The following EPC1 variants were observed in gnomAD, a reference collection of about 807,000 sequenced individuals.
EPC1 encodes the protein enhancer of polycomb 1.
EPC1 carries 12 observed loss-of-function variants against 98.4 expected under a neutral mutation model. That is an observed-to-expected ratio of 0.12 (90% CI 0.08 to 0.20). The LOEUF is 0.20. Among genes scored for constraint, EPC1 ranks in the 10% least tolerant of loss-of-function variants. The pLI is 1.00. For synonymous variants in EPC1, 357 were observed against 363.9 expected, an observed-to-expected ratio of 0.98 and a Z score of 0.21; for missense variants, 729 against 990.5, an observed-to-expected ratio of 0.74 and a Z score of 3.54.
At chr10:32,347,811 T>C (rs79741067), upstream of EPC1, among the ~76,000 whole-genome samples, 4,552 of 152,360 alleles carry the variant, frequency 0.03, 230 homozygotes, top group African/African-American at 0.1. Context: ...AATGCAACTT[T>C]GGATTATAAT....
At chr10:32,332,908 T>A (rs1564551708) in intron 1 of EPC1, among the ~76,000 whole-genome samples, 4 of 152,200 alleles carry the variant, frequency 2.6e-5, no homozygotes, top group African/African-American at 9.6e-5. Flanking sequence ...AAGCTGTTTT[T>A]AAAAAGTCTC....
upstream of EPC1, among the ~76,000 whole-genome samples, chr10:32,349,431 A>G (rs572147447): frequency 5.3e-5 from 8 of 152,330 alleles, no homozygotes; most frequent in South Asian, 1.7e-3. Flanking sequence ...CTTTTGGCAG[A>G]TAATATTATA....
chr10:32,348,211 A>G (rs1481228140), upstream of EPC1, among the ~76,000 whole-genome samples: 2 of 152,190 alleles, frequency 1.3e-5, no homozygotes, highest in African/African-American at 4.8e-5. Flanking sequence ...GATATGATAG[A>G]TGGGTGGCAT....
At chr10:32,297,569 G>A (rs934427825) in intron 2 of EPC1, among the ~76,000 whole-genome samples, 2 of 152,040 alleles carry the variant, frequency 1.3e-5, no homozygotes, top group Admixed American at 6.5e-5. Flanking sequence ...TTACAAGCAT[G>A]AGTCATCGCA....
chr10:32,344,956 T>C lies in EPC1; in HGVS notation c.153+1807A>G, dbSNP rs1171856120. Among the ~76,000 whole-genome samples the C allele has an allele frequency of 2.6e-5, 4 of 152,350 alleles. No homozygotes were observed. The East Asian group carries it at 7.7e-4, about 29-fold the overall frequency. Reference sequence around the variant, plus strand: ...CTTAACTAAAGTCTAAAGTGTACTGTTGTGCTGTCTTGCTTTAATCAAGGC... The same window carrying C: ...CTTAACTAAAGTCTAAAGTGTACTGCTGTGCTGTCTTGCTTTAATCAAGGC... On this transcript the variant is annotated intron_variant, in intron 1 of 13. Transcript: ENST00000319778.
chr10:32,378,363 G>T, intron 1 of EPC1: 1 of 603,224 alleles, frequency 1.7e-6, no homozygotes, highest in Non-Finnish European at 2.7e-6. Context: ...AGATTAGGTA[G>T]AACGTGCAGA....
intron 10 of EPC1, among the ~76,000 whole-genome samples, chr10:32,278,380 T>G (rs1056395539): frequency 2.8e-5 from 4 of 142,602 alleles, no homozygotes; most frequent in East Asian, 2.0e-4. Flanking sequence ...TGTTTTTTTT[T>G]TTTTGTTTTT....
rs1838862745 is a variant in EPC1, at chr10:32,346,829, G to A, written c.87C>T (p.His29=). The A allele has an allele frequency of 1.2e-6, 2 of 1,614,188 alleles. No individual in the cohort carries two copies. The highest frequency in any genetic ancestry group is 1.3e-5 in the African/African-American group (1 of 75,062). Residue 29 remains histidine (H), a synonymous_variant, in exon 1 of 14, where the codon CAC becomes CAT. Coordinates refer to ENST00000319778, the MANE Select transcript of EPC1 (RefSeq NM_001272004.3). ...CGGCCCTGTTTATCGAGGCGTATTC[G>A]TGCAGGTCGGGCAGATCCTCACAGC... The part of the protein sequence containing the change: ...VFRCEDLPDL[H]EYASINRAVP...
chr10:32,356,376 T>C (rs1292744719), intron 1 of EPC1, among the ~76,000 whole-genome samples: 1 of 152,052 alleles, frequency 6.6e-6, no homozygotes, highest in Non-Finnish European at 1.5e-5. Flanking sequence ...AGTGAATGAC[T>C]GGAAGCCCAT....
chr10:32,272,340 C>T, intron 11 of EPC1, 173 bp from the exon 12 acceptor site: 1 of 543,042 alleles, frequency 1.8e-6, no homozygotes, highest in Non-Finnish European at 3.2e-6. Flanking sequence ...TTTTGATAGT[C>T]ATATATTTGA....
chr10:32,284,260 T>C (rs903439642), intron 10 of EPC1: 1 of 153,368 alleles, frequency 6.5e-6, no homozygotes, highest in East Asian at 1.9e-4. Flanking sequence ...CTTTAACAAA[T>C]TATTCTGAAT....
chr10:32,343,808 A>G lies in EPC1; in HGVS notation c.153+2955T>C, dbSNP rs549036369. ...CTGGTTAAATGGGAATACACGAATA[A>G]TACTTATTTTCCCAATGTTAAAAGA... On this transcript the variant is annotated intron_variant, in intron 1 of 13. Transcript: ENST00000319778. 2.0e-5 allele frequency among the ~76,000 whole-genome samples: 3 copies of G among 152,268 alleles called. No individual in the cohort carries two copies. The East Asian group carries it at 5.8e-4, about 29-fold the overall frequency.
chr10:32,281,992 T>C (rs77626950), intron 10 of EPC1: 11 of 152,254 alleles, frequency 7.2e-5, no homozygotes, highest in African/African-American at 2.6e-4. Context: ...TTTTTTTTCT[T>C]CAGGGGCCTG....
At chr10:32,341,838 G>C (rs917928524) in intron 1 of EPC1, among the ~76,000 whole-genome samples, 1 of 152,164 alleles carries the variant, frequency 6.6e-6, no homozygotes, top group African/African-American at 2.4e-5. Context: ...GAAATTTATG[G>C]AACAGCTGAT....
chr10:32,296,494 T>C (rs1251661415), intron 2 of EPC1, among the ~76,000 whole-genome samples: 1 of 152,168 alleles, frequency 6.6e-6, no homozygotes. Context: ...AAAAGGATGA[T>C]TTCTATCATA....
In EPC1 at chr10:32,271,876, CTGTTGG is replaced by C. The variant is rs759560121; in HGVS notation, c.2041_2046del (p.Pro681_Thr682del). The C allele has an allele frequency of 3.1e-6, 5 of 1,613,872 alleles. No individual in the cohort carries two copies. Among genetic ancestry groups the C allele is most frequent in the African/African-American group, 1.3e-5 (1 of 74,866 alleles). On this transcript the variant is annotated inframe_deletion, in exon 13 of 14. Coordinates refer to ENST00000319778, the MANE Select transcript of EPC1 (RefSeq NM_001272004.3). Reference sequence around the variant, plus strand: ...GTTGATGGACTTGTATGTACAAGTGCTGTTGGTGTAGTACTACTGAGGTGTAAGCCC... The same window carrying C: ...GTTGATGGACTTGTATGTACAAGTGCTGTAGTACTACTGAGGTGTAAGCCC...
intron 1 of EPC1, among the ~76,000 whole-genome samples, chr10:32,341,433 G>A (rs1171054360): frequency 6.6e-6 from 1 of 152,058 alleles, no homozygotes; most frequent in Non-Finnish European, 1.5e-5. Flanking sequence ...ATTTTTAACA[G>A]GATTGGTTGG....
exon 1 of EPC1, chr10:32,378,593 G>C: frequency 1.3e-6 from 1 of 789,508 alleles, no homozygotes; most frequent in Non-Finnish European, 2.0e-6. Flanking sequence ...GCAGCATATG[G>C]ATCTTCCAAC....
chr10:32,334,008 A>G (rs1446095780), intron 1 of EPC1, among the ~76,000 whole-genome samples: 2 of 152,264 alleles, frequency 1.3e-5, no homozygotes, highest in African/African-American at 4.8e-5. Flanking sequence ...TAAGAAAACT[A>G]GTCAGTTGCA....
Sources: allele counts gnomAD v4.1 joint callset (sites outside exome capture counted in the v4.1 genomes callset), GRCh38; gene constraint gnomAD v4.1.1; transcripts MANE v1.5; gene names NCBI Gene and HGNC (gene_info 2026-07-23, HGNC 2026-07-21).